The following PHF20 variants were observed in gnomAD, a reference collection of about 807,000 sequenced individuals.
The protein encoded by PHF20 is PHD finger protein 20.
A neutral mutation model predicts 113.5 loss-of-function variants in PHF20; 23 were observed. The ratio of observed to expected loss-of-function variants is 0.20; its 90% CI spans 0.15 to 0.29. The LOEUF is 0.29. Among genes scored for constraint, PHF20 ranks in the 10% least tolerant of loss-of-function variants. PHF20 has a pLI of 1.00. For synonymous variants in PHF20, 434 were observed against 457.3 expected, an observed-to-expected ratio of 0.95 and a Z score of 0.65; for missense variants, 943 against 1,219.6, an observed-to-expected ratio of 0.77 and a Z score of 3.38.
chr20:35,936,537 AGG>A (rs2055868346), intron 15 of PHF20, among the ~76,000 whole-genome samples: 1 of 152,236 alleles, frequency 6.6e-6, no homozygotes, highest in East Asian at 1.9e-4. Context: ...AGATGCTCAC[AGG>A]AGTCTGGCCC....
At chr20:35,879,100 A>G (rs2054581396) in intron 9 of PHF20, among the ~76,000 whole-genome samples, 1 of 152,162 alleles carries the variant, frequency 6.6e-6, no homozygotes, top group East Asian at 1.9e-4. Context: ...CATATTTTGG[A>G]TGTTATAGAA....
At chr20:35,784,879 C>T (rs1021481197) in intron 1 of PHF20, among the ~76,000 whole-genome samples, 3 of 151,922 alleles carry the variant, frequency 2.0e-5, no homozygotes, top group East Asian at 1.9e-4. Flanking sequence ...GGCAAAACCC[C>T]GCCTCTATAA....
intron 4 of PHF20, among the ~76,000 whole-genome samples, chr20:35,848,146 A>T (rs2042656219): frequency 1.3e-5 from 2 of 152,188 alleles, no homozygotes; most frequent in Admixed American, 1.3e-4. Context: ...TCTTGATGCC[A>T]CTGTAGGGTT....
At chr20:35,803,253 GAA>G (rs200855143) in intron 2 of PHF20, among the ~76,000 whole-genome samples, 23,446 of 128,032 alleles carry the variant, frequency 0.18, 2,027 homozygotes, top group African/African-American at 0.25. Flanking sequence ...CTCCGTCCCG[GAA>G]AAAAAAAAAA....
Position 35,789,316 on chromosome 20 carries a change from A to G in PHF20, c.-32-12175A>G, listed in dbSNP as rs925659035. On this transcript the variant is annotated intron_variant, in intron 1 of 17. Coordinates refer to ENST00000374012, the MANE Select transcript of PHF20 (RefSeq NM_016436.5). Reference sequence around the variant, plus strand: ...CATGGTGGCTTGCTCCTGTAATTCCAGCTACTTGGGAGGCTGAGGCAGGAG... The same window carrying G: ...CATGGTGGCTTGCTCCTGTAATTCCGGCTACTTGGGAGGCTGAGGCAGGAG... Among the ~76,000 whole-genome samples the G allele has an allele frequency of 2.0e-5, 3 of 151,796 alleles. No homozygotes were observed. The East Asian group carries it at 5.9e-4, about 30-fold the overall frequency.
At chr20:35,910,891 A>C (rs1040713692) in intron 10 of PHF20, among the ~76,000 whole-genome samples, 1 of 152,176 alleles carries the variant, frequency 6.6e-6, no homozygotes, top group Non-Finnish European at 1.5e-5. Flanking sequence ...GGCCTCCCAA[A>C]GTGCTGGGAG....
chr20:35,857,095 G>A (rs569439655), intron 4 of PHF20, among the ~76,000 whole-genome samples: 160 of 152,150 alleles, frequency 1.1e-3, no homozygotes, highest in Non-Finnish European at 1.9e-3. Context: ...TGCAGGGGGT[G>A]GGGGAATTGG....
chr20:35,856,657 G>A (rs2042833015), intron 4 of PHF20: 2 of 152,250 alleles, frequency 1.3e-5, no homozygotes, highest in Admixed American at 1.3e-4. Flanking sequence ...GGTGCCAAAT[G>A]AGCCTAAGAA....
At chr20:35,808,786 A>T (rs1159817815) in intron 2 of PHF20, among the ~76,000 whole-genome samples, 1 of 151,174 alleles carries the variant, frequency 6.6e-6, no homozygotes, top group Non-Finnish European at 1.5e-5. Context: ...GTTGGCCAGG[A>T]TGGTCTCGAT....
chr20:35,934,623 A>AG (rs1428958457), intron 15 of PHF20, among the ~76,000 whole-genome samples: 1 of 149,196 alleles, frequency 6.7e-6, no homozygotes, highest in East Asian at 2.0e-4. Context: ...AGTCCCCAGG[A>AG]GGGGGAAAAG....
intron 1 of PHF20, among the ~76,000 whole-genome samples, chr20:35,790,720 C>T (rs2041527747): frequency 6.6e-6 from 1 of 152,146 alleles, no homozygotes; most frequent in African/African-American, 2.4e-5. Flanking sequence ...CTAAAGCTTG[C>T]CTGCTTCTCT....
chr20:35,943,466 C>T (rs2056026451), intron 17 of PHF20, among the ~76,000 whole-genome samples: 1 of 147,508 alleles, frequency 6.8e-6, no homozygotes, highest in African/African-American at 2.5e-5. Context: ...TGTACTCCAG[C>T]CTGGGTGACA....
chr20:35,855,776 C>A (rs376724676), intron 4 of PHF20, among the ~76,000 whole-genome samples: 1 of 152,002 alleles, frequency 6.6e-6, no homozygotes, highest in East Asian at 1.9e-4. Flanking sequence ...TGGGTTCAGG[C>A]GATTCTCTTG....
At chr20:35,917,318 T>C in intron 12 of PHF20, 166 bp from the exon 13 acceptor site, 1 of 728,404 alleles carries the variant, frequency 1.4e-6, no homozygotes, top group Non-Finnish European at 2.5e-6. Context: ...TTTGGGCTGT[T>C]ACTAAATGAC....
chr20:35,930,962 A>G (rs2055741126), intron 14 of PHF20, among the ~76,000 whole-genome samples: 1 of 152,038 alleles, frequency 6.6e-6, no homozygotes, highest in Admixed American at 6.5e-5. Flanking sequence ...AGTAGGGGAG[A>G]GAATATTATG....
intron 10 of PHF20, among the ~76,000 whole-genome samples, chr20:35,904,277 ATTTTTTTTTTT>A (rs34412788): frequency 2.0e-5 from 2 of 98,924 alleles, no homozygotes; most frequent in East Asian, 3.0e-4. Flanking sequence ...GAATGCTCTG[ATTTTTTTTTTT>A]TTTTTTTTTT....
intron 3 of PHF20, among the ~76,000 whole-genome samples, chr20:35,844,131 C>G (rs762790068): frequency 6.6e-6 from 1 of 152,006 alleles, no homozygotes; most frequent in East Asian, 1.9e-4. Flanking sequence ...GAGACGGGGT[C>G]TTGCTCTGTT....
At chr20:35,908,598 G>A (rs577622258) in intron 10 of PHF20, among the ~76,000 whole-genome samples, 69 of 152,334 alleles carry the variant, frequency 4.5e-4, no homozygotes, top group African/African-American at 1.6e-3. Context: ...CAGTCTGTGT[G>A]TGTGTTGTGG....
intron 4 of PHF20, chr20:35,856,294 A>T (rs1029967099): frequency 6.6e-6 from 1 of 152,216 alleles, no homozygotes; most frequent in Non-Finnish European, 1.5e-5. Context: ...ATTACCAGGA[A>T]TAAAGGTCAG....
Sources: gnomAD v4.1 joint callset for allele counts (sites outside exome capture counted in the v4.1 genomes callset) on GRCh38, gnomAD v4.1.1 for gene constraint, MANE v1.5 for transcripts, NCBI Gene and HGNC (gene_info 2026-07-23, HGNC 2026-07-21) for gene names.